PCCA: variants seen among roughly 807,000 people sequenced by gnomAD.
The protein encoded by PCCA is propionyl-CoA carboxylase subunit alpha, also known as propionyl-CoA carboxylase alpha chain, mitochondrial.
In PCCA, 74 loss-of-function variants were observed where a neutral mutation model predicts 101.3. The observed-to-expected ratio is 0.73, with a 90% CI of 0.61 to 0.89. The LOEUF (loss-of-function observed/expected upper bound fraction) is 0.89. PCCA is among the 40% of genes least tolerant of loss of function. The probability of loss-of-function intolerance (pLI) is 0.00; values close to 1 mark genes in which losing one functional copy is unlikely to be tolerated. For missense variants in PCCA, 891 were observed against 907.0 expected, an observed-to-expected ratio of 0.98 and a Z score of 0.23; for synonymous variants, 294 against 313.6, an observed-to-expected ratio of 0.94 and a Z score of 0.66.
intron 20 of PCCA, among the ~76,000 whole-genome samples, chr13:100,435,999 A>G (rs2079902082): frequency 4.0e-5 from 6 of 151,894 alleles, no homozygotes; most frequent in Admixed American, 2.6e-4. Flanking sequence ...GCTGAGATCG[A>G]GCCATTGCAC....
chr13:100,245,354 C>T (rs1435564382), intron 8 of PCCA, among the ~76,000 whole-genome samples: 1 of 152,164 alleles, frequency 6.6e-6, no homozygotes, highest in African/African-American at 2.4e-5. Flanking sequence ...CCTTGGAAAA[C>T]TCTAGTAATA....
At chr13:100,526,203 G>A (rs980154391) in intron 22 of PCCA, among the ~76,000 whole-genome samples, 14 of 152,204 alleles carry the variant, frequency 9.2e-5, no homozygotes. Context: ...CCCTGATGGG[G>A]GCCTCTGCAT....
chr13:100,289,279 T>G (rs1235101597), intron 12 of PCCA, among the ~76,000 whole-genome samples: 1 of 152,052 alleles, frequency 6.6e-6, no homozygotes, highest in African/African-American at 2.4e-5. Context: ...CCTTCTTTAT[T>G]AGTTGTTTTG....
intron 20 of PCCA, among the ~76,000 whole-genome samples, chr13:100,426,352 G>A (rs1356802352): frequency 4.9e-5 from 7 of 141,504 alleles, no homozygotes; most frequent in South Asian, 2.1e-4. Flanking sequence ...GAGGTTTAGC[G>A]TTTTAGGAAA....
At chr13:100,120,156 C>G (rs1433898156) in intron 4 of PCCA, among the ~76,000 whole-genome samples, 1 of 151,402 alleles carries the variant, frequency 6.6e-6, no homozygotes, top group African/African-American at 2.4e-5. Context: ...AGCCACCATG[C>G]CCAGCCAGAT....
intron 21 of PCCA, among the ~76,000 whole-genome samples, chr13:100,458,812 C>T (rs1167578118): frequency 6.6e-6 from 1 of 152,172 alleles, no homozygotes; most frequent in Non-Finnish European, 1.5e-5. Context: ...ACCACATTCT[C>T]ACCTTTGGTA....
chr13:100,453,946 C>G (rs1225868051), intron 21 of PCCA, among the ~76,000 whole-genome samples: 1 of 152,194 alleles, frequency 6.6e-6, no homozygotes, highest in African/African-American at 2.4e-5. Flanking sequence ...TATCCGCTCA[C>G]TGCAAGCTCC....
chr13:100,489,715 T>C (rs912275938), intron 21 of PCCA, among the ~76,000 whole-genome samples: 6 of 152,176 alleles, frequency 3.9e-5, no homozygotes, highest in African/African-American at 1.4e-4. Flanking sequence ...ATTAAGATAA[T>C]TTTACCCAGG....
intron 12 of PCCA, among the ~76,000 whole-genome samples, chr13:100,286,404 T>C (rs530382179): frequency 2.0e-5 from 3 of 152,186 alleles, no homozygotes; most frequent in South Asian, 2.1e-4. Flanking sequence ...CTAAATCCAA[T>C]TGGCTAATTT....
chr13:100,459,524 T>C (rs774178759), intron 21 of PCCA, among the ~76,000 whole-genome samples: 1 of 152,256 alleles, frequency 6.6e-6, no homozygotes, highest in Non-Finnish European at 1.5e-5. Context: ...ACACTGATGA[T>C]GGCTATGCCT....
At chr13:100,524,998 TA>T (rs2087654157) in intron 22 of PCCA, among the ~76,000 whole-genome samples, 1 of 124,356 alleles carries the variant, frequency 8.0e-6, no homozygotes, top group East Asian at 2.0e-4. Flanking sequence ...GATAGATAGA[TA>T]GATAGATAGA....
At chr13:100,127,617 G>T (rs947539899) in intron 4 of PCCA, among the ~76,000 whole-genome samples, 1 of 152,170 alleles carries the variant, frequency 6.6e-6, no homozygotes, top group African/African-American at 2.4e-5. Context: ...TGAGGGCCGG[G>T]CGTGGTGGCT....
chr13:100,470,280 A>C (rs1180674616), intron 21 of PCCA, among the ~76,000 whole-genome samples: 3 of 152,200 alleles, frequency 2.0e-5, no homozygotes, highest in Admixed American at 2.0e-4. Context: ...ATTTTTATCA[A>C]GTATCTTCAG....
chr13:100,260,115 A>C (rs2062388142), intron 9 of PCCA, among the ~76,000 whole-genome samples: 1 of 152,140 alleles, frequency 6.6e-6, no homozygotes, highest in Non-Finnish European at 1.5e-5. Flanking sequence ...TATTATATCC[A>C]ATCTAATAAA....
chr13:100,258,323 C>T (rs866060828), intron 9 of PCCA, among the ~76,000 whole-genome samples: 1 of 152,068 alleles, frequency 6.6e-6, no homozygotes, highest in African/African-American at 2.4e-5. Context: ...TTCATGAGAG[C>T]GTGGGCAAGA....
rs543928743 is a variant in PCCA, at chr13:100,294,450, CT to C, written c.1066-7000del. Among the ~76,000 whole-genome samples the C allele has an allele frequency of 1.6e-3, 238 of 149,464 alleles. 1 individual carries two copies. Among genetic ancestry groups the C allele is most frequent in the African/African-American group, 5.4e-3 (220 of 40,852 alleles). On this transcript the variant is annotated intron_variant, in intron 12 of 23. Transcript: ENST00000376285. The stretch of plus-strand genomic sequence containing the variant: ...AATCTGTTCCGTTTTCGTGGTCACT[CT>C]TTTTTTTTTCCATGTATACATAGCA...
At chr13:100,223,653 G>T (rs1031768106) in intron 7 of PCCA, among the ~76,000 whole-genome samples, 1 of 152,048 alleles carries the variant, frequency 6.6e-6, no homozygotes, top group Non-Finnish European at 1.5e-5. Context: ...CTGCTGGCTC[G>T]GGCAGCCTGC....
At chr13:100,352,559 A>G (rs1037316654) in intron 18 of PCCA, among the ~76,000 whole-genome samples, 13 of 151,274 alleles carry the variant, frequency 8.6e-5, no homozygotes, top group Admixed American at 1.3e-4. Context: ...ACATTTGGCT[A>G]TATATATATT....
intron 21 of PCCA, among the ~76,000 whole-genome samples, chr13:100,458,284 A>AC (rs2081895721): frequency 7.3e-6 from 1 of 137,430 alleles, no homozygotes. Context: ...CAACAGTGGG[A>AC]CCCCATCTCT....
Sources: gnomAD v4.1 joint callset for allele counts (sites outside exome capture counted in the v4.1 genomes callset) on GRCh38, gnomAD v4.1.1 for gene constraint, MANE v1.5 for transcripts, NCBI Gene and HGNC (gene_info 2026-07-23, HGNC 2026-07-21) for gene names.